BIRC6: variants seen among roughly 807,000 people sequenced by gnomAD.
The protein encoded by BIRC6 is baculoviral IAP repeat containing 6, also known as dual E2 ubiquitin-conjugating enzyme/E3 ubiquitin-protein ligase BIRC6.
Under a neutral mutation model 503.3 loss-of-function variants are expected in BIRC6, and 98 were observed. The observed-to-expected ratio is 0.19, with a 90% confidence interval of 0.17 to 0.23. The LOEUF (loss-of-function observed/expected upper bound fraction) is 0.23, where lower values mean the gene tolerates loss of function less well. Ranked by LOEUF, BIRC6 falls within the 10% of genes least tolerant of loss-of-function variation. The probability of loss-of-function intolerance (pLI) is 1.00; values close to 1 mark genes in which losing one functional copy is unlikely to be tolerated. For synonymous variants in BIRC6, 2,240 were observed against 2,078.7 expected, an observed-to-expected ratio of 1.08 and a Z score of -2.11; for missense variants, 5,360 against 5,806.0, an observed-to-expected ratio of 0.92 and a Z score of 2.50.
chr2:32,611,004 C>T lies in BIRC6; in HGVS notation c.14260-444C>T, dbSNP rs1024821128. Among the ~76,000 whole-genome samples the T allele has an allele frequency of 3.9e-5, 6 of 152,236 alleles. 1 individual carries two copies. The highest frequency in any genetic ancestry group is 3.9e-4 in the Admixed American group (6 of 15,274). On this transcript the variant is annotated intron_variant, in intron 72 of 73. Coordinates refer to ENST00000421745, the MANE Select transcript of BIRC6 (RefSeq NM_016252.4). Reference sequence around the variant, plus strand: ...TCTCCCAGAATGCTGGGATTACAGGCGTGAGCCACCACACCGGGCCATAAA... The same window carrying T: ...TCTCCCAGAATGCTGGGATTACAGGTGTGAGCCACCACACCGGGCCATAAA...
intron 59 of BIRC6, chr2:32,527,391 T>C (rs1360355323): frequency 2.0e-5 from 3 of 152,230 alleles, no homozygotes; most frequent in Non-Finnish European, 1.5e-5. Flanking sequence ...TGTGACTTCA[T>C]TAATTCAGCC....
chr2:32,574,232 T>G (rs2060109408), intron 65 of BIRC6, among the ~76,000 whole-genome samples: 1 of 149,474 alleles, frequency 6.7e-6, no homozygotes, highest in Non-Finnish European at 1.5e-5. Flanking sequence ...CATGATCTTG[T>G]CCTCCCCAGT....
rs562193892 is a variant in BIRC6 at position 32,493,417 on chromosome 2, T to C, written c.8341-123T>C. 8.3e-6 allele frequency: 7 copies of C among 844,142 alleles called. No homozygotes were observed. In the South Asian group the frequency reaches 8.4e-5, roughly 10 times the overall value. The allele number at this position is 844,142 out of a possible 1,614,324, so 52.3% of individuals were successfully genotyped here. ...TTCCTGCTATCATTGTTAATACTTT[T>C]GTTTTCCTCGTACGAAAAGTTACAG... On this transcript the variant is annotated intron_variant, in intron 44 of 73. Transcript: ENST00000421745.
rs778068955 is a variant in BIRC6 at position 32,490,083 on chromosome 2, A to G, written c.8138A>G (p.Asn2713Ser). 3.7e-5 allele frequency: 60 copies of G among 1,613,520 alleles called. No individual in the cohort carries two copies. The highest frequency in any genetic ancestry group is 4.6e-5 in the Non-Finnish European group (54 of 1,179,584). The change falls in exon 43 of 74, where the codon AAT becomes AGT. Residue 2713 changes from asparagine to serine, a missense_variant. By Grantham distance (46) the Asn-to-Ser change is conservative (BLOSUM62 1). Around this residue, in one of 16 missense-constraint regions of BIRC6, gnomAD observed 2,299 missense variants for 2,267.2 expected, o/e 1.01. Coordinates refer to ENST00000421745, the MANE Select transcript of BIRC6 (RefSeq NM_016252.4). ...CTCACAGTGTTAGCTTGGTATCCCAATACTTTGCTCCGGACATGGTGCCTT... is the reference window on the plus strand; with the variant it reads ...CTCACAGTGTTAGCTTGGTATCCCAGTACTTTGCTCCGGACATGGTGCCTT... ...SFLTVLAWYP[N>S]TLLRTWCLVL...
At chr2:32,363,256 T>C (rs2034390257) in intron 1 of BIRC6, among the ~76,000 whole-genome samples, 1 of 152,110 alleles carries the variant, frequency 6.6e-6, no homozygotes, top group Admixed American at 6.6e-5. Flanking sequence ...TGCTTGAACC[T>C]GGGAGGTTGA....
intron 50 of BIRC6, among the ~76,000 whole-genome samples, chr2:32,506,877 C>A (rs77113850): frequency 0.032 from 4,901 of 152,108 alleles, 192 homozygotes; most frequent in African/African-American, 0.098. Context: ...ATAATACTTT[C>A]CTCAAAAGGT....
At chr2:32,477,097 A>G (rs1417360897) in intron 34 of BIRC6, among the ~76,000 whole-genome samples, 1 of 152,170 alleles carries the variant, frequency 6.6e-6, no homozygotes, top group Non-Finnish European at 1.5e-5. Context: ...ATTTGACTTA[A>G]TAACTTAATA....
Position 32,479,572 on chromosome 2 carries a change from C to G in BIRC6, c.7363C>G (p.Gln2455Glu). Reference protein sequence around the residue: ...SDDSLQQSSVQLLETIDEPLT... With the variant: ...SDDSLQQSSVELLETIDEPLT... ...TGACTCCCTTCAACAGTCCTCAGTT[C>G]AGTTGCTGGAAACTATAGATGAACC... The change falls in exon 37 of 74, where the codon CAG becomes GAG. Residue 2455 changes from glutamine to glutamate, a missense_variant. By Grantham distance (29) the Gln-to-Glu change is conservative. Coordinates refer to ENST00000421745, the MANE Select transcript of BIRC6 (RefSeq NM_016252.4). The G allele has an allele frequency of 6.2e-7, 1 of 1,609,624 alleles. No individual in the cohort carries two copies. Among genetic ancestry groups the G allele is most frequent in the Non-Finnish European group, 8.5e-7 (1 of 1,177,642 alleles).
chr2:32,418,738 A>G (rs193125346), intron 10 of BIRC6, among the ~76,000 whole-genome samples: 3 of 152,300 alleles, frequency 2.0e-5, no homozygotes, highest in Admixed American at 6.5e-5. Context: ...CTCAGAAGAG[A>G]AATAGTATTT....
At position 32,545,713 on chromosome 2, in the gene BIRC6, T is replaced by C; in HGVS notation, c.12663T>C (p.Phe4221=). Residue 4221 remains phenylalanine (F), a synonymous_variant, in exon 63 of 74, where the codon TTT becomes TTC. Coordinates refer to ENST00000421745, the MANE Select transcript of BIRC6 (RefSeq NM_016252.4). The part of the protein sequence containing the change: ...TLPFHVLRSL[F]STTPLTTDDG... ...CTTTCCACGTCCTTCGTAGCTTGTT[T>C]AGCACTACACCTTTGACAACTGATG... 1 of 1,613,964 alleles carries C rather than the reference T, an allele frequency of 6.2e-7. No homozygotes were observed.
chr2:32,429,379 A>G, intron 11 of BIRC6, 84 bp downstream of exon 11: 1 of 1,068,166 alleles, frequency 9.4e-7, no homozygotes, highest in Non-Finnish European at 1.3e-6. Flanking sequence ...ATGTAAACAT[A>G]TTAAAGTAAG....
At chr2:32,406,039 T>C (rs2041171335) in intron 8 of BIRC6, among the ~76,000 whole-genome samples, 2 of 152,228 alleles carry the variant, frequency 1.3e-5, no homozygotes, top group South Asian at 4.1e-4. Flanking sequence ...AACTACTCTT[T>C]ATATATCATT....
intron 66 of BIRC6, among the ~76,000 whole-genome samples, chr2:32,576,863 A>G (rs1458770432): frequency 2.6e-5 from 4 of 152,204 alleles, no homozygotes; most frequent in Admixed American, 1.3e-4. Context: ...TATAGAAAAG[A>G]TGAAATGAAG....
In BIRC6 at chr2:32,435,838, G is replaced by T. The variant is rs562493835; in HGVS notation, c.3500-215G>T. On this transcript the variant is annotated intron_variant, in intron 14 of 73. Coordinates refer to ENST00000421745, the MANE Select transcript of BIRC6 (RefSeq NM_016252.4). Reference sequence around the variant, plus strand: ...TCAAGTCGTGGTTTATAATTTTTTTGAAAATAAAGGTGAACTGTAAAATAA... The same window carrying T: ...TCAAGTCGTGGTTTATAATTTTTTTTAAAATAAAGGTGAACTGTAAAATAA... 2.3e-3 allele frequency among the ~76,000 whole-genome samples: 352 copies of T among 152,126 alleles called. 4 individuals are homozygous for T. Among genetic ancestry groups the T allele is most frequent in the South Asian group, 0.013 (62 of 4,826 alleles).
At chr2:32,479,077 T>C (rs2050088881) in intron 36 of BIRC6, among the ~76,000 whole-genome samples, 1 of 152,252 alleles carries the variant, frequency 6.6e-6, no homozygotes. Flanking sequence ...GGAGCTAGCC[T>C]GCTTTATTAT....
Position 32,571,800 on chromosome 2 carries a change from GTTCC to G in BIRC6, c.13145-3353_13145-3350del, listed in dbSNP as rs545041799. ...GGTGTGGATTGTTCTTACTTTTCTA[GTTCC>G]TTGAGGTACATGTAAGATTGTTGAT... On this transcript the variant is annotated intron_variant, in intron 65 of 73. Transcript: ENST00000421745. Among the ~76,000 whole-genome samples, 406 of 152,082 alleles carry G rather than the reference GTTCC, an allele frequency of 2.7e-3. 6 individuals are homozygous for G. The highest frequency in any genetic ancestry group is 9.6e-3 in the African/African-American group (397 of 41,492).
intron 53 of BIRC6, among the ~76,000 whole-genome samples, chr2:32,512,360 T>C (rs767513413): frequency 6.6e-5 from 10 of 152,184 alleles, no homozygotes; most frequent in Non-Finnish European, 1.2e-4. Context: ...TGGTTCAAAA[T>C]TGGGTGTGTT....
chr2:32,369,968 ATATATATATATATATATGTATGTATG>A lies in BIRC6; in HGVS notation c.326-7616_326-7591del, dbSNP rs2035641975. On this transcript the variant is annotated intron_variant, in intron 1 of 73. Transcript: ENST00000421745. Reference sequence around the variant, plus strand: ...AAAATATATATATATATATATATATATATATATATATATATATGTATGTATGTATGTGTGTGTATATATATGCATAT... The same window carrying A: ...AAAATATATATATATATATATATATATATGTGTGTGTATATATATGCATAT... 6.3e-5 allele frequency among the ~76,000 whole-genome samples: 4 copies of A among 63,958 alleles called. No homozygotes were observed. The South Asian group carries it at 2.5e-3, about 40-fold the overall frequency. The allele number at this position is 63,958 out of a possible 152,430, so 42.0% of individuals were successfully genotyped here. A position where few individuals can be genotyped will look rare whatever the true frequency, so the allele number is the denominator to read the frequency against.
At chr2:32,525,068 A>AAT in intron 58 of BIRC6, 49 bp downstream of exon 58, 1 of 1,392,394 alleles carries the variant, frequency 7.2e-7, no homozygotes, top group South Asian at 1.8e-5. Context: ...GTTTCTATAA[A>AAT]ATATTAGAAT....
Sources: gnomAD v4.1 joint callset for allele counts (sites outside exome capture counted in the v4.1 genomes callset) on GRCh38, gnomAD v4.1.1 for gene constraint, gnomAD v4.1.1 regional missense constraint, MANE v1.5 for transcripts, NCBI Gene and HGNC (gene_info 2026-07-23, HGNC 2026-07-21) for gene names.